DYNC2I2: variants seen among roughly 807,000 people sequenced by gnomAD.
DYNC2I2 encodes the protein cytoplasmic dynein 2 intermediate chain 2.
Under a neutral mutation model 52.0 loss-of-function variants are expected in DYNC2I2, and 39 were observed. The ratio of observed to expected loss-of-function variants is 0.75; its 90% CI spans 0.58 to 0.98. DYNC2I2 has a LOEUF of 0.98. DYNC2I2 is among the 50% of genes least tolerant of loss of function. DYNC2I2 has a pLI of 0.00. For synonymous variants in DYNC2I2, 359 were observed against 321.1 expected, an observed-to-expected ratio of 1.12 and a Z score of -1.26; for missense variants, 743 against 728.4, an observed-to-expected ratio of 1.02 and a Z score of -0.23.
the DYNC2I2 span, among the ~76,000 whole-genome samples, chr9:128,677,879 T>C: frequency 6.6e-6 from 1 of 152,034 alleles, no homozygotes; most frequent in Non-Finnish European, 1.5e-5. Context: ...TCCTCTCACC[T>C]CTGATCACCC....
chr9:128,635,063 G>A lies in DYNC2I2; in HGVS notation c.981+29C>T, dbSNP rs568036212. On this transcript the variant is annotated intron_variant, in intron 6 of 8. Coordinates refer to ENST00000372715, the MANE Select transcript of DYNC2I2 (RefSeq NM_052844.4). ...CCACCCCCAAGGCTCACCGGCGCAG[G>A]CCAGGGCAGTTTCCGGGTGCCCACG... is the stretch of plus-strand genomic sequence containing the variant. 18 of 1,599,506 alleles carry A rather than the reference G, an allele frequency of 1.1e-5. No homozygotes were observed. The East Asian group carries it at 3.6e-4, about 32-fold the overall frequency.
the DYNC2I2 span, among the ~76,000 whole-genome samples, chr9:128,682,657 A>G: frequency 6.8e-6 from 1 of 147,848 alleles, no homozygotes; most frequent in African/African-American, 2.5e-5. Context: ...CCTCAGAGAC[A>G]GGATGGGACC....
the DYNC2I2 span, among the ~76,000 whole-genome samples, chr9:128,671,727 C>G: frequency 6.6e-6 from 1 of 151,506 alleles, no homozygotes; most frequent in Admixed American, 6.6e-5. Flanking sequence ...TCTCGGCTCA[C>G]TGCAAGCTCT....
chr9:128,660,496 C>T (rs1004292954), upstream of DYNC2I2, among the ~76,000 whole-genome samples: 4 of 151,876 alleles, frequency 2.6e-5, no homozygotes, highest in Non-Finnish European at 4.4e-5. Context: ...GCAACTGCTG[C>T]CTCCCGGGTT....
chr9:128,656,246 T>A (rs1179300254), intron 1 of DYNC2I2, among the ~76,000 whole-genome samples: 1 of 151,996 alleles, frequency 6.6e-6, no homozygotes, highest in African/African-American at 2.4e-5. Flanking sequence ...AAAAAGTTGT[T>A]TGAAATGCTT....
rs184812681 is a variant in DYNC2I2 at position 128,656,801 on chromosome 9, G to C, written c.-75C>G. The C allele has an allele frequency of 4.6e-6, 6 of 1,303,646 alleles. No homozygotes were observed. Among genetic ancestry groups the C allele is most frequent in the Non-Finnish European group, 5.9e-6 (6 of 1,020,426 alleles). The allele number at this position is 1,303,646 out of a possible 1,614,324, so 80.8% of individuals were successfully genotyped here. ...CCCTACGCCGCCATGAGCGGAAAACGGGGAATGTGAGGCTGACGGCGCCAT... is the reference window on the plus strand; with the variant it reads ...CCCTACGCCGCCATGAGCGGAAAACCGGGAATGTGAGGCTGACGGCGCCAT... On this transcript the variant is annotated 5_prime_UTR_variant, in exon 1 of 9. Coordinates refer to ENST00000372715, the MANE Select transcript of DYNC2I2 (RefSeq NM_052844.4).
chr9:128,640,504 A>G (rs117959439), intron 2 of DYNC2I2, among the ~76,000 whole-genome samples, 187 bp downstream of exon 2: 1,765 of 152,324 alleles, frequency 0.012, 30 homozygotes, highest in Non-Finnish European at 0.016. Context: ...ACCGACCTCA[A>G]GGTCAGCAGT....
Position 128,636,246 on chromosome 9 carries a change from GAGAGGAGAGGAGGCGGACACAGCAGGC to G in DYNC2I2, c.703+8_703+34del. ...TCTGCAGGGCGGGAAGCTGAGTCCT[GAGAGGAGAGGAGGCGGACACAGCAGGC>G]AGCTCACCTGCGACGTGGGAGGGCT... On this transcript the variant is annotated splice_region_variant and intron_variant, in intron 4 of 8. Coordinates refer to ENST00000372715, the MANE Select transcript of DYNC2I2 (RefSeq NM_052844.4). 1 of 1,553,060 alleles carries G rather than the reference GAGAGGAGAGGAGGCGGACACAGCAGGC, an allele frequency of 6.4e-7. No homozygotes were observed.
rs1860313722 is a variant in DYNC2I2, at chr9:128,634,304, G to A, written c.1294C>T (p.Gln432Ter). The A allele has an allele frequency of 6.2e-7, 1 of 1,613,652 alleles. No homozygotes were observed. Among genetic ancestry groups the A allele is most frequent in the Middle Eastern group, 1.7e-4 (1 of 6,058 alleles). ...MLQAPPLTSLQLSLKYLFAVR... is the reference protein window; with the variant it reads ...MLQAPPLTSL ...GCAAACAGATACTTGAGGGAGAGCT[G>A]CAGCGAAGTCAAGGGAGGGGCCTGC... is the stretch of plus-strand genomic sequence containing the variant. Residue 432 changes from glutamine to a stop codon, truncating the protein, a stop_gained, in exon 8 of 9, where the codon CAG (glutamine) becomes TAG (stop). Transcript: ENST00000372715. LOFTEE classifies it high-confidence loss of function.
intron 1 of DYNC2I2, among the ~76,000 whole-genome samples, chr9:128,642,070 A>G (rs1482748728): frequency 6.6e-6 from 1 of 151,802 alleles, no homozygotes; most frequent in Non-Finnish European, 1.5e-5. Context: ...GGCGGATCAC[A>G]AGATCAGGAG....
At chr9:128,683,744 G>T in the DYNC2I2 span, 2 of 593,092 alleles carry the variant, frequency 3.4e-6, no homozygotes, top group South Asian at 2.2e-5. Flanking sequence ...GGGGGCCGGG[G>T]TGTGTGTCCC....
chr9:128,671,203 G>A, the DYNC2I2 span, among the ~76,000 whole-genome samples: 7 of 151,880 alleles, frequency 4.6e-5, no homozygotes, highest in African/African-American at 1.7e-4. Flanking sequence ...AGAGGCTGAG[G>A]TGGGAGGGTC....
chr9:128,660,905 T>C (rs1009229494), upstream of DYNC2I2, among the ~76,000 whole-genome samples: 1 of 150,976 alleles, frequency 6.6e-6, no homozygotes, highest in African/African-American at 2.4e-5. Flanking sequence ...AATTTTTGTA[T>C]TTTTAGTAGA....
At position 128,653,070 on chromosome 9, in the gene DYNC2I2, AAC is replaced by A. The variant is rs1415467991; in HGVS notation, c.186+3469_186+3470del. On this transcript the variant is annotated intron_variant, in intron 1 of 8. Transcript: ENST00000372715. Reference sequence around the variant, plus strand: ...ATGGTGAAACCCTGTCTCTACTAAAAACACAAAAATTAGCCCAATGTGGTGGC... The same window carrying A: ...ATGGTGAAACCCTGTCTCTACTAAAAACAAAAATTAGCCCAATGTGGTGGC... Among the ~76,000 whole-genome samples the A allele has an allele frequency of 2.0e-5, 3 of 148,350 alleles. 1 individual carries two copies. Among genetic ancestry groups the A allele is most frequent in the African/African-American group, 7.7e-5 (3 of 39,136 alleles).
chr9:128,679,915 C>A, the DYNC2I2 span, among the ~76,000 whole-genome samples: 2 of 152,140 alleles, frequency 1.3e-5, no homozygotes, highest in Admixed American at 1.3e-4. Flanking sequence ...ATGAAATACA[C>A]TGGTATAGCA....
the DYNC2I2 span, chr9:128,663,320 T>G: frequency 2.0e-5 from 3 of 152,214 alleles, no homozygotes; most frequent in East Asian, 1.9e-4. Flanking sequence ...TTCCTCTTCT[T>G]CTGCTGCAGT....
rs765286111 is a variant in DYNC2I2 at position 128,635,647 on chromosome 9, CCT to C, written c.813+9_813+10del. The C allele has an allele frequency of 1.3e-6, 2 of 1,595,640 alleles. No homozygotes were observed. The highest frequency in any genetic ancestry group is 3.4e-5 in the Admixed American group (2 of 58,130). On this transcript the variant is annotated intron_variant, in intron 5 of 8. Transcript: ENST00000372715. The stretch of plus-strand genomic sequence containing the variant: ...TCAGGGCCCACCCCGCCCGGCAGCC[CCT>C]GCCCTGACCTGGGACACAGGGTCTG...
intron 1 of DYNC2I2, among the ~76,000 whole-genome samples, chr9:128,648,754 C>T (rs1370505398): frequency 1.3e-5 from 2 of 149,374 alleles, no homozygotes; most frequent in South Asian, 2.1e-4. Flanking sequence ...AAGCCAAGAT[C>T]GTGCCACTGC....
At position 128,656,617 on chromosome 9, in the gene DYNC2I2, G is replaced by C; in HGVS notation, c.110C>G (p.Pro37Arg). 3 of 1,495,778 alleles carry C rather than the reference G, an allele frequency of 2.0e-6. No individual in the cohort carries two copies. Among genetic ancestry groups the C allele is most frequent in the Non-Finnish European group, 2.7e-6 (3 of 1,130,406 alleles). The allele number at this position is 1,495,778 out of a possible 1,614,324, so 92.7% of individuals were successfully genotyped here. A position where few individuals can be genotyped will look rare whatever the true frequency, so the allele number is the denominator to read the frequency against. The change falls in exon 1 of 9, where the codon CCG becomes CGG. Residue 37 changes from proline to arginine, a missense_variant. By Grantham distance (103) the Pro-to-Arg change is moderately radical. Coordinates refer to ENST00000372715, the MANE Select transcript of DYNC2I2 (RefSeq NM_052844.4). ...ASGPGPGRPGPLQDETLGVAS... is the reference protein window; with the variant it reads ...ASGPGPGRPGRLQDETLGVAS... ...CACACCCAGGGTCTCGTCCTGCAGCGGCCCTGGCCGCCCCGGCCCCGGGCC... is the reference window on the plus strand; with the variant it reads ...CACACCCAGGGTCTCGTCCTGCAGCCGCCCTGGCCGCCCCGGCCCCGGGCC...
Sources: allele counts gnomAD v4.1 joint callset (sites outside exome capture counted in the v4.1 genomes callset), GRCh38; gene constraint gnomAD v4.1.1; transcripts MANE v1.5; gene names NCBI Gene and HGNC (gene_info 2026-07-23, HGNC 2026-07-21).